Variants in CHN1 observed in about 807,000 individuals in gnomAD.
CHN1 encodes the protein chimerin 1.
In CHN1, 37 loss-of-function variants were observed where a neutral mutation model predicts 59.5. The ratio of observed to expected loss-of-function variants is 0.62; its 90% confidence interval spans 0.48 to 0.82. The LOEUF is 0.82. Among genes scored for constraint, CHN1 ranks in the 40% least tolerant of loss-of-function variants. CHN1 has a pLI of 0.00. For synonymous variants in CHN1, 206 were observed against 200.4 expected (o/e 1.03, Z -0.24); for missense variants, 469 against 571.0 (o/e 0.82, Z 1.82).
chr2:174,840,664 GA>G (rs1387227829), intron 7 of CHN1, among the ~76,000 whole-genome samples: 4 of 152,166 alleles, frequency 2.6e-5, no homozygotes, highest in African/African-American at 9.7e-5. Flanking sequence ...ACGGAGCTAG[GA>G]AAGCCTGGAG....
intron 6 of CHN1, among the ~76,000 whole-genome samples, chr2:174,874,364 A>G (rs1313930327): frequency 6.6e-6 from 1 of 152,208 alleles, no homozygotes; most frequent in Non-Finnish European, 1.5e-5. Context: ...AGATGCTGCA[A>G]TTTCATGATT....
At chr2:174,801,000 C>T (rs1684701922) in intron 12 of CHN1, among the ~76,000 whole-genome samples, 1 of 152,148 alleles carries the variant, frequency 6.6e-6, no homozygotes, top group Non-Finnish European at 1.5e-5. Flanking sequence ...TAACTCATGC[C>T]TTTGGCCACA....
At chr2:174,833,453 A>C (rs1408113376) in intron 7 of CHN1, among the ~76,000 whole-genome samples, 1 of 152,152 alleles carries the variant, frequency 6.6e-6, no homozygotes, top group Non-Finnish European at 1.5e-5. Context: ...TTCTTTGAAG[A>C]TGTCGCTCCA....
At chr2:174,896,878 T>C (rs1035748694) in intron 5 of CHN1, among the ~76,000 whole-genome samples, 1 of 152,198 alleles carries the variant, frequency 6.6e-6, no homozygotes, top group East Asian at 1.9e-4. Flanking sequence ...CATATGTATA[T>C]AATATACATC....
chr2:174,835,028 T>A (rs1343230384), intron 7 of CHN1, among the ~76,000 whole-genome samples: 9 of 152,228 alleles, frequency 5.9e-5, no homozygotes, highest in Admixed American at 5.9e-4. Flanking sequence ...GTATGGATTC[T>A]CCTTGACTTA....
At chr2:174,857,712 C>T (rs1484440057) in intron 6 of CHN1, among the ~76,000 whole-genome samples, 4 of 152,074 alleles carry the variant, frequency 2.6e-5, no homozygotes, top group East Asian at 1.9e-4. Context: ...TGAGGGGATA[C>T]TTGGGGAAAT....
chr2:174,860,178 G>A (rs555212477), intron 6 of CHN1, among the ~76,000 whole-genome samples: 9 of 152,088 alleles, frequency 5.9e-5, no homozygotes, highest in South Asian at 2.1e-4. Flanking sequence ...AAATGAGAGC[G>A]TAGTCTCTTG....
chr2:175,005,161 T>C lies in CHN1; in HGVS notation c.-249A>G. On this transcript the variant is annotated 5_prime_UTR_variant, in exon 1 of 13. Transcript: ENST00000409900. ...CCGCTAGCTCTCCGCGAGCCGGCAC[T>C]TGTCGCTGCCATCAGGCGCGGAGCG... 1.6e-6 allele frequency: 2 copies of C among 1,280,852 alleles called. No homozygotes were observed. The highest frequency in any genetic ancestry group is 2.0e-6 in the Non-Finnish European group (2 of 1,011,810). 79.3% of individuals were successfully genotyped at this position (1,280,852 alleles called of 1,614,324 possible).
chr2:174,895,855 G>A (rs748338837), intron 5 of CHN1, among the ~76,000 whole-genome samples: 1 of 152,128 alleles, frequency 6.6e-6, no homozygotes, highest in Non-Finnish European at 1.5e-5. Context: ...ACTGTTCACA[G>A]AGAGTTGAAG....
intron 6 of CHN1, among the ~76,000 whole-genome samples, chr2:174,865,658 C>G (rs146792928): frequency 6.6e-6 from 1 of 152,114 alleles, no homozygotes; most frequent in African/African-American, 2.4e-5. Context: ...TAGTAGGGAG[C>G]TAGAACAGAC....
chr2:175,005,010 T>C lies in CHN1; in HGVS notation c.-98A>G. On this transcript the variant is annotated 5_prime_UTR_variant, in exon 1 of 13. Transcript: ENST00000409900. ...CGCCGCACCCACACCTCGGAGAGAGTGGGGTGCCCGATGGGGCGTGCTGGG... is the reference window on the plus strand; with the variant it reads ...CGCCGCACCCACACCTCGGAGAGAGCGGGGTGCCCGATGGGGCGTGCTGGG... The C allele has an allele frequency of 6.8e-7, 1 of 1,473,864 alleles. No homozygotes were observed. Among genetic ancestry groups the C allele is most frequent in the Non-Finnish European group, 9.0e-7 (1 of 1,112,124 alleles). 91.3% of individuals were successfully genotyped at this position (1,473,864 alleles called of 1,614,324 possible). A position where few individuals can be genotyped will look rare whatever the true frequency, so the allele number is the denominator to read the frequency against.
chr2:174,909,794 G>A (rs1448987467), intron 5 of CHN1, among the ~76,000 whole-genome samples: 1 of 152,260 alleles, frequency 6.6e-6, no homozygotes, highest in East Asian at 1.9e-4. Context: ...TGAATGTCAG[G>A]TAATACTTGT....
chr2:174,823,490 C>T (rs1465032379), intron 8 of CHN1, among the ~76,000 whole-genome samples: 3 of 151,912 alleles, frequency 2.0e-5, no homozygotes, highest in Non-Finnish European at 4.4e-5. Context: ...GGTGAAACCC[C>T]GTCTCTACTA....
chr2:174,811,486 T>G, intron 10 of CHN1, 25 bp downstream of exon 10: 1 of 1,549,816 alleles, frequency 6.5e-7, no homozygotes, highest in Non-Finnish European at 8.9e-7. Flanking sequence ...TTGTCCTAAG[T>G]TATGGAACAT....
chr2:174,874,663 A>G (rs1456671039), intron 6 of CHN1, among the ~76,000 whole-genome samples: 1 of 152,124 alleles, frequency 6.6e-6, no homozygotes, highest in Non-Finnish European at 1.5e-5. Flanking sequence ...TTCTATTTTA[A>G]AACAAAGAAA....
At chr2:174,902,251 T>A (rs1281011559) in intron 5 of CHN1, among the ~76,000 whole-genome samples, 1 of 152,192 alleles carries the variant, frequency 6.6e-6, no homozygotes, top group African/African-American at 2.4e-5. Context: ...AACACATCAA[T>A]TTTTTCAAGT....
At chr2:174,848,620 A>G (rs1424590624) in intron 6 of CHN1, among the ~76,000 whole-genome samples, 1 of 152,174 alleles carries the variant, frequency 6.6e-6, no homozygotes, top group Non-Finnish European at 1.5e-5. Context: ...TACAGGAGGT[A>G]TGTGCCCAGT....
intron 2 of CHN1, among the ~76,000 whole-genome samples, chr2:174,945,594 T>G (rs1226350248): frequency 3.3e-5 from 5 of 152,140 alleles, no homozygotes; most frequent in Non-Finnish European, 7.4e-5. Flanking sequence ...TAGCCTCACT[T>G]CAGGCTTTTT....
At chr2:174,919,090 T>G (rs1688929401) in intron 3 of CHN1, among the ~76,000 whole-genome samples, 1 of 152,204 alleles carries the variant, frequency 6.6e-6, no homozygotes, top group Non-Finnish European at 1.5e-5. Context: ...CCCAGGAATT[T>G]TCACAGGAAG....
Sources: allele counts gnomAD v4.1 joint callset (sites outside exome capture counted in the v4.1 genomes callset), GRCh38; gene constraint gnomAD v4.1.1; transcripts MANE v1.5; gene names NCBI Gene and HGNC (gene_info 2026-07-23, HGNC 2026-07-21).